GABRR2: variants seen among roughly 807,000 people sequenced by gnomAD.
The protein encoded by GABRR2 is gamma-aminobutyric acid type A receptor subunit rho2, also known as gamma-aminobutyric acid receptor subunit rho-2.
A neutral mutation model predicts 47.0 loss-of-function variants in GABRR2; 36 were observed. The observed-to-expected ratio is 0.77, with a 90% CI of 0.59 to 1.01. GABRR2 has a LOEUF of 1.01. GABRR2 is among the 50% of genes least tolerant of loss of function. GABRR2 has a pLI of 0.00. For synonymous variants in GABRR2, 204 were observed against 227.5 expected, an observed-to-expected ratio of 0.90 and a Z score of 0.93; for missense variants, 587 against 594.6, an observed-to-expected ratio of 0.99 and a Z score of 0.13.
intron 2 of GABRR2, 123 bp downstream of exon 2, chr6:89,299,636 A>G: frequency 1.5e-6 from 1 of 666,300 alleles, no homozygotes; most frequent in Non-Finnish European, 2.7e-6. Context: ...ATGGAGTCAG[A>G]TTTATGTGAG....
chr6:89,312,750 T>A (rs763001009), intron 1 of GABRR2, among the ~76,000 whole-genome samples: 1 of 152,252 alleles, frequency 6.6e-6, no homozygotes, highest in Non-Finnish European at 1.5e-5. Flanking sequence ...TGACTGTGTG[T>A]GCATTCTCAT....
intron 1 of GABRR2, chr6:89,301,922 T>A (rs1439648725): frequency 2.0e-6 from 2 of 1,025,314 alleles, no homozygotes; most frequent in South Asian, 2.6e-5. Flanking sequence ...CTGGAGCAGA[T>A]CAGCATCTAC....
intron 1 of GABRR2, among the ~76,000 whole-genome samples, chr6:89,311,616 T>C (rs1344787126): frequency 6.6e-6 from 1 of 151,930 alleles, no homozygotes; most frequent in Non-Finnish European, 1.5e-5. Flanking sequence ...AGAAGAAAAA[T>C]GGATCCACTA....
chr6:89,276,017 G>T (rs1023142923), intron 2 of GABRR2, among the ~76,000 whole-genome samples: 1 of 148,746 alleles, frequency 6.7e-6, no homozygotes, highest in Admixed American at 6.7e-5. Flanking sequence ...CATCATCCTT[G>T]GTCTCTAATT....
chr6:89,310,874 G>C (rs1404164563), intron 1 of GABRR2, among the ~76,000 whole-genome samples: 4 of 152,222 alleles, frequency 2.6e-5, no homozygotes, highest in Non-Finnish European at 5.9e-5. Context: ...AGACAACGAA[G>C]AGTGTTAGGC....
intron 2 of GABRR2, among the ~76,000 whole-genome samples, chr6:89,285,945 C>T (rs528723976): frequency 5.9e-5 from 9 of 151,964 alleles, no homozygotes; most frequent in Non-Finnish European, 1.2e-4. Flanking sequence ...ACAGCTCTCG[C>T]CCGACTCCTC....
chr6:89,267,668 A>G lies in GABRR2; in HGVS notation c.736+11T>C, dbSNP rs1284564810. 1.9e-6 allele frequency: 3 copies of G among 1,606,466 alleles called. No individual in the cohort carries two copies. In the African/African-American group the frequency reaches 4.0e-5, roughly 22 times the overall value. ...GCACATTTGAATCAGATTGTGGCAA[A>G]AGATAGCTACCAGTGCTGCTGTAGA... is the stretch of plus-strand genomic sequence containing the variant. On this transcript the variant is annotated intron_variant, in intron 6 of 8. Coordinates refer to ENST00000402938, the MANE Select transcript of GABRR2 (RefSeq NM_002043.5).
intron 1 of GABRR2, among the ~76,000 whole-genome samples, chr6:89,311,534 C>G (rs1024182973): frequency 6.6e-6 from 1 of 152,210 alleles, no homozygotes; most frequent in Non-Finnish European, 1.5e-5. Flanking sequence ...CCTGAGCCCC[C>G]ACCCACCCAT....
In GABRR2 at chr6:89,315,203, T is replaced by C. The variant is rs1250877636; in HGVS notation, c.-38A>G. On this transcript the variant is annotated 5_prime_UTR_variant, in exon 1 of 9. Transcript: ENST00000402938. ...TGTGAGGCAAAAAGCTGCTTTCCAGTAGCCTGTGGCAGAGCAAATCCCCCC... is the reference window on the plus strand; with the variant it reads ...TGTGAGGCAAAAAGCTGCTTTCCAGCAGCCTGTGGCAGAGCAAATCCCCCC... 1.2e-6 allele frequency: 2 copies of C among 1,612,688 alleles called. No individual in the cohort carries two copies. The highest frequency in any genetic ancestry group is 2.7e-5 in the African/African-American group (2 of 74,894).
At chr6:89,293,668 C>A (rs1774507056) in intron 2 of GABRR2, among the ~76,000 whole-genome samples, 1 of 152,138 alleles carries the variant, frequency 6.6e-6, no homozygotes, top group Non-Finnish European at 1.5e-5. Context: ...ACGCCTATAG[C>A]CCCAGCTACT....
chr6:89,299,737 C>G (rs1480428144), intron 2 of GABRR2, 22 bp downstream of exon 2: 1 of 1,556,040 alleles, frequency 6.4e-7, no homozygotes, highest in South Asian at 1.1e-5. Flanking sequence ...TCCCACCTGG[C>G]ATCAAGGAAG....
intron 1 of GABRR2, among the ~76,000 whole-genome samples, chr6:89,308,625 C>T (rs886200590): frequency 6.6e-6 from 1 of 152,192 alleles, no homozygotes; most frequent in Non-Finnish European, 1.5e-5. Flanking sequence ...CACTGCCTGG[C>T]CCAGCTTCTC....
At position 89,256,462 on chromosome 6, in the gene GABRR2, G is replaced by A. The variant is rs763186236; in HGVS notation, c.*1208C>T. Among the ~76,000 whole-genome samples, 23 of 152,074 alleles carry A rather than the reference G, an allele frequency of 1.5e-4. No individual in the cohort carries two copies. The highest frequency in any genetic ancestry group is 2.1e-4 in the Non-Finnish European group (14 of 67,978). On this transcript the variant is annotated 3_prime_UTR_variant, in exon 9 of 9. Transcript: ENST00000402938. The stretch of plus-strand genomic sequence containing the variant: ...TGCCTGAATATATAATAGTAACACC[G>A]CAATTAACATTAACAATAGGGAATT...
intron 1 of GABRR2, chr6:89,302,482 A>AG: frequency 3.0e-6 from 2 of 656,608 alleles, no homozygotes; most frequent in Non-Finnish European, 5.4e-6. Flanking sequence ...GAGCAGGATC[A>AG]CTACCTCCTT....
Position 89,298,787 on chromosome 6 carries a change from C to T in GABRR2, c.220+972G>A, listed in dbSNP as rs137857955. On this transcript the variant is annotated intron_variant, in intron 2 of 8. Transcript: ENST00000402938. Reference sequence around the variant, plus strand: ...AAATGTGTATGTTGCAATCCTAACCCGCAATGGGATGGTACTAGGAAGTGG... The same window carrying T: ...AAATGTGTATGTTGCAATCCTAACCTGCAATGGGATGGTACTAGGAAGTGG... 2.8e-4 allele frequency among the ~76,000 whole-genome samples: 43 copies of T among 152,226 alleles called. 1 individual carries two copies. The East Asian group carries it at 7.7e-3, about 27-fold the overall frequency.
At chr6:89,299,928 G>C in intron 1 of GABRR2, 63 bp from the exon 2 acceptor site, 1 of 1,068,788 alleles carries the variant, frequency 9.4e-7, no homozygotes, top group Non-Finnish European at 1.5e-6. Flanking sequence ...GAGATGATTT[G>C]GGCTATTACT....
At chr6:89,258,411 AAAG>A (rs967748807) in intron 8 of GABRR2, among the ~76,000 whole-genome samples, 1 of 152,230 alleles carries the variant, frequency 6.6e-6, no homozygotes. Flanking sequence ...GCATGAATCA[AAAG>A]ATGATTAGGA....
intron 1 of GABRR2, among the ~76,000 whole-genome samples, chr6:89,312,223 G>C (rs1379211036): frequency 6.6e-6 from 1 of 152,200 alleles, no homozygotes; most frequent in East Asian, 1.9e-4. Context: ...GCCAGGAGGA[G>C]TAGGAATAAA....
rs1157107780 is a variant in GABRR2 at position 89,256,109 on chromosome 6, T to C, written c.*1561A>G. On this transcript the variant is annotated 3_prime_UTR_variant, in exon 9 of 9. Transcript: ENST00000402938. ...TAATTTTTACTAATTTAAATTTAAA[T>C]AGACATGTGGCTAGTGGCTACCATA... 6.7e-6 allele frequency among the ~76,000 whole-genome samples: 1 copy of C among 149,364 alleles called. No homozygotes were observed. The highest frequency in any genetic ancestry group is 1.5e-5 in the Non-Finnish European group (1 of 67,596).
Sources: gnomAD v4.1 joint callset for allele counts (sites outside exome capture counted in the v4.1 genomes callset) on GRCh38, gnomAD v4.1.1 for gene constraint, MANE v1.5 for transcripts, NCBI Gene and HGNC (gene_info 2026-07-23, HGNC 2026-07-21) for gene names.